The following PHF14 variants were observed in gnomAD, a reference collection of about 807,000 sequenced individuals.
PHF14 encodes PHD finger protein 14.
Under a neutral mutation model 117.9 loss-of-function variants are expected in PHF14, and 55 were observed. The observed-to-expected ratio is 0.47, with a 90% confidence interval of 0.38 to 0.58. The LOEUF (loss-of-function observed/expected upper bound fraction) is 0.58. Ranked by LOEUF, PHF14 falls within the 20% of genes least tolerant of loss-of-function variation. The probability of loss-of-function intolerance (pLI) is 0.00; values close to 1 mark genes in which losing one functional copy is unlikely to be tolerated. For missense variants in PHF14, 978 were observed against 1,122.2 expected, an observed-to-expected ratio of 0.87 and a Z score of 1.84; for synonymous variants, 409 against 368.6, an observed-to-expected ratio of 1.11 and a Z score of -1.26.
At chr7:11,074,311 T>TA (rs1583438305) in intron 16 of PHF14, among the ~76,000 whole-genome samples, 1 of 151,602 alleles carries the variant, frequency 6.6e-6, no homozygotes, top group East Asian at 1.9e-4. Flanking sequence ...CCCGGGTTCA[T>TA]ACCATTCTCC....
intron 16 of PHF14, among the ~76,000 whole-genome samples, chr7:11,081,463 C>T (rs945176430): frequency 1.3e-5 from 2 of 151,872 alleles, no homozygotes; most frequent in African/African-American, 2.4e-5. Context: ...AATAATATAC[C>T]GTAAATTTTC....
chr7:11,013,735 TG>T lies in PHF14; in HGVS notation c.1046-11del. 6.8e-7 allele frequency: 1 copy of T among 1,471,012 alleles called. No homozygotes were observed. Among genetic ancestry groups the T allele is most frequent in the East Asian group, 2.3e-5 (1 of 42,898 alleles). The allele number at this position is 1,471,012 out of a possible 1,614,324, so 91.1% of individuals were successfully genotyped here. ...AAACCCTATTTAATCATAGTGTTTT[TG>T]TTTTTTTTAGGTTGTTATGGAGTTG... On this transcript the variant is annotated splice_polypyrimidine_tract_variant and intron_variant, in intron 4 of 17. Transcript: ENST00000634607.
chr7:10,995,888 G>A (rs1045234620), intron 4 of PHF14, among the ~76,000 whole-genome samples: 6 of 152,256 alleles, frequency 3.9e-5, no homozygotes, highest in Non-Finnish European at 7.4e-5. Context: ...GCACAGCCCC[G>A]GTTCCCACCC....
intron 16 of PHF14, among the ~76,000 whole-genome samples, chr7:11,097,695 T>C (rs1022444796): frequency 2.0e-5 from 3 of 152,208 alleles, no homozygotes; most frequent in African/African-American, 4.8e-5. Context: ...ATCTGAAAGT[T>C]TGCCTTCCCT....
chr7:11,151,168 A>G (rs1788692083), intron 17 of PHF14, among the ~76,000 whole-genome samples: 1 of 152,214 alleles, frequency 6.6e-6, no homozygotes, highest in African/African-American at 2.4e-5. Context: ...CTTTGTAAAC[A>G]TTTAAAATAT....
chr7:11,167,846 G>C (rs1184841562), intron 17 of PHF14, among the ~76,000 whole-genome samples: 1 of 152,010 alleles, frequency 6.6e-6, no homozygotes, highest in Non-Finnish European at 1.5e-5. Context: ...TGGCTAACAC[G>C]GTGAAACCCC....
intron 14 of PHF14, among the ~76,000 whole-genome samples, chr7:11,061,133 G>T (rs1785209024): frequency 6.6e-6 from 1 of 152,050 alleles, no homozygotes. Context: ...TAACATATTG[G>T]CTGCAAATAC....
intron 16 of PHF14, among the ~76,000 whole-genome samples, chr7:11,070,618 G>A (rs374242715): frequency 2.6e-5 from 4 of 152,196 alleles, no homozygotes; most frequent in African/African-American, 9.6e-5. Flanking sequence ...GCCCCATATT[G>A]ATCGTCTTAC....
chr7:11,021,059 A>G (rs1234810980), intron 5 of PHF14, among the ~76,000 whole-genome samples: 2 of 152,196 alleles, frequency 1.3e-5, no homozygotes, highest in African/African-American at 2.4e-5. Flanking sequence ...TCAAACTCCA[A>G]TTTTATTGAT....
intron 4 of PHF14, among the ~76,000 whole-genome samples, chr7:10,993,291 C>G (rs1208983818): frequency 2.0e-5 from 3 of 151,924 alleles, no homozygotes; most frequent in Non-Finnish European, 4.4e-5. Flanking sequence ...TTTCTCTTAC[C>G]TGCTTTTCTG....
At chr7:11,111,509 C>T (rs780007248) in intron 17 of PHF14, 42 bp downstream of exon 17, 7 of 931,474 alleles carry the variant, frequency 7.5e-6, no homozygotes, top group South Asian at 1.5e-5. Flanking sequence ...GGTGTCCTTC[C>T]GTTTGATAGC....
intron 17 of PHF14, among the ~76,000 whole-genome samples, chr7:11,155,080 A>G (rs914642665): frequency 2.0e-4 from 30 of 152,294 alleles, no homozygotes; most frequent in African/African-American, 7.2e-4. Flanking sequence ...AGTTAAGCCT[A>G]GAAAGAGGAA....
Position 11,165,345 on chromosome 7 carries a change from G to A in PHF14, c.2773-4071G>A, listed in dbSNP as rs192245210. 4.0e-4 allele frequency among the ~76,000 whole-genome samples: 61 copies of A among 152,238 alleles called. 2 individuals carry two copies. Among genetic ancestry groups the A allele is most frequent in the African/African-American group, 1.3e-3 (55 of 41,544 alleles). On this transcript the variant is annotated intron_variant, in intron 17 of 17. Transcript: ENST00000634607. ...TACCACAAACCAGAGGTGATGTGCC[G>A]TTTTTAATACATCGTATCAGGGTGT... is the stretch of plus-strand genomic sequence containing the variant.
chr7:11,064,359 C>G (rs1562447349), intron 16 of PHF14, among the ~76,000 whole-genome samples: 1 of 151,888 alleles, frequency 6.6e-6, no homozygotes. Flanking sequence ...ACTATCTTTA[C>G]ATGCTATTTT....
intron 2 of PHF14, among the ~76,000 whole-genome samples, chr7:10,978,932 G>A (rs1240280614): frequency 6.6e-6 from 1 of 152,032 alleles, no homozygotes; most frequent in Non-Finnish European, 1.5e-5. Flanking sequence ...AGACATATAC[G>A]GTTTTGGTCA....
chr7:11,122,352 T>TACACACACACACACAC (rs747467173), intron 17 of PHF14, among the ~76,000 whole-genome samples: 25 of 65,816 alleles, frequency 3.8e-4, no homozygotes, highest in Admixed American at 1.6e-3. Context: ...TATATATATA[T>TACACACACACACACAC]ACACACACAC....
intron 2 of PHF14, among the ~76,000 whole-genome samples, chr7:10,976,893 T>A (rs1640703): frequency 6.7e-6 from 1 of 148,640 alleles, no homozygotes; most frequent in Non-Finnish European, 1.5e-5. Flanking sequence ...CTTAAATTTG[T>A]GATCTGTGGT....
chr7:11,063,391 A>G lies in PHF14; in HGVS notation c.2654+1306A>G, dbSNP rs1785306383. 11 of 979,340 alleles carry G rather than the reference A, an allele frequency of 1.1e-5. No homozygotes were observed. In the South Asian group the frequency reaches 3.3e-4, roughly 29 times the overall value. 60.7% of individuals were successfully genotyped at this position (979,340 alleles called of 1,614,324 possible). On this transcript the variant is annotated intron_variant, in intron 16 of 17. Coordinates refer to ENST00000634607, the MANE Select transcript of PHF14 (RefSeq NM_001007157.2). The stretch of plus-strand genomic sequence containing the variant: ...ATGAAATCCCAAGCATAAGCGTAAC[A>G]TAATGGAGTAAATGAAACAATAAAA...
chr7:11,135,845 AC>A (rs1162268218), intron 17 of PHF14, among the ~76,000 whole-genome samples: 1 of 152,166 alleles, frequency 6.6e-6, no homozygotes, highest in African/African-American at 2.4e-5. Flanking sequence ...TAATTTGAAA[AC>A]CAGTTCTAAC....
Sources: allele counts gnomAD v4.1 joint callset (sites outside exome capture counted in the v4.1 genomes callset), GRCh38; gene constraint gnomAD v4.1.1; transcripts MANE v1.5; gene names NCBI Gene and HGNC (gene_info 2026-07-23, HGNC 2026-07-21).